RCC2: variants seen among roughly 807,000 people sequenced by gnomAD.
RCC2 encodes protein RCC2.
A neutral mutation model predicts 64.1 loss-of-function variants in RCC2; 19 were observed. The observed-to-expected ratio is 0.30, with a 90% CI of 0.21 to 0.44. The LOEUF is 0.44. Among genes scored for constraint, RCC2 ranks in the 20% least tolerant of loss-of-function variants. RCC2 has a pLI of 1.00. For synonymous variants in RCC2, 325 were observed against 279.6 expected (o/e 1.16, Z -1.62); for missense variants, 508 against 710.4 (o/e 0.72, Z 3.24).
At position 17,409,977 on chromosome 1, in the gene RCC2, C is replaced by A. The variant is rs1184474655; in HGVS notation, c.1461G>T (p.Glu487Asp). 6.2e-7 allele frequency: 1 copy of A among 1,613,910 alleles called. No homozygotes were observed. Among genetic ancestry groups the A allele is most frequent in the Non-Finnish European group, 8.5e-7 (1 of 1,179,782 alleles). The change falls in exon 12 of 13, where the codon GAG becomes GAT. Residue 487 changes from glutamate to aspartate, a missense_variant. Glu to Asp is a conservative substitution (Grantham distance 45). Around this residue, in one of 4 missense-constraint regions of RCC2, gnomAD observed 179 missense variants for 322.0 expected, o/e 0.56. Coordinates refer to ENST00000375436, the MANE Select transcript of RCC2 (RefSeq NM_018715.4). Reference protein sequence around the residue: ...EVKTLDGIFSEQVAMGYSHSL... With the variant: ...EVKTLDGIFSDQVAMGYSHSL... Reference sequence around the variant, plus strand: ...TGGCACAGCTGCCCCCACTCACCTGCTCTGAGAAAATGCCATCCAGAGTCT... The same window carrying A: ...TGGCACAGCTGCCCCCACTCACCTGATCTGAGAAAATGCCATCCAGAGTCT...
At position 17,409,145 on chromosome 1, in the gene RCC2, T is replaced by C; in HGVS notation, c.1514A>G (p.Glu505Gly). Residue 505 changes from glutamate to glycine, a missense_variant, in exon 13 of 13, where the codon GAG becomes GGG. By Grantham distance (98) the Glu-to-Gly change is moderately conservative (BLOSUM62 -2). This residue lies in a region of RCC2 where 179 missense variants were observed against 322.0 expected (regional missense o/e 0.56). Coordinates refer to ENST00000375436, the MANE Select transcript of RCC2 (RefSeq NM_018715.4). Reference protein sequence around the residue: ...HSLVIARDESETEKEKIKKLP... With the variant: ...HSLVIARDESGTEKEKIKKLP... Reference sequence around the variant, plus strand: ...TTTCTTGATCTTCTCTTTCTCAGTCTCACTTTCATCTCTTGCTATCACCAA... The same window carrying C: ...TTTCTTGATCTTCTCTTTCTCAGTCCCACTTTCATCTCTTGCTATCACCAA... The C allele has an allele frequency of 6.2e-7, 1 of 1,614,144 alleles. No individual in the cohort carries two copies. Among genetic ancestry groups the C allele is most frequent in the South Asian group, 1.1e-5 (1 of 91,074 alleles).
chr1:17,410,037 G>C lies in RCC2; in HGVS notation c.1401C>G (p.His467Gln), dbSNP rs1557619370. Reference protein sequence around the residue: ...PTFGELGYGDHKPKSSTAAQE... With the variant: ...PTFGELGYGDQKPKSSTAAQE... ...GGGCTGCAGTGGAAGACTTGGGCTT[G>C]TGGTCCCCGTAGCCCTGGCGAAGCA... The change falls in exon 12 of 13, where the codon CAC becomes CAG. Residue 467 changes from histidine (H) to glutamine (Q), a missense_variant. Physicochemically the swap from His to Gln is conservative, Grantham distance 24. Around this residue, in one of 4 missense-constraint regions of RCC2, gnomAD observed 179 missense variants for 322.0 expected, o/e 0.56. Transcript: ENST00000375436. 6.2e-7 allele frequency: 1 copy of C among 1,614,070 alleles called. No homozygotes were observed. Among genetic ancestry groups the C allele is most frequent in the Non-Finnish European group, 8.5e-7 (1 of 1,180,000 alleles).
intron 2 of RCC2, among the ~76,000 whole-genome samples, chr1:17,437,693 G>A (rs2075751765): frequency 6.8e-6 from 1 of 146,918 alleles, no homozygotes; most frequent in Admixed American, 6.8e-5. Flanking sequence ...GCGGCCGTCA[G>A]GCCCCGCCCC....
At chr1:17,412,436 C>T (rs1027063487) in intron 10 of RCC2, among the ~76,000 whole-genome samples, 2 of 152,192 alleles carry the variant, frequency 1.3e-5, no homozygotes, top group Non-Finnish European at 2.9e-5. Flanking sequence ...AGGCAGGGGA[C>T]CTTGCTGTGC....
rs144355060 is a variant in RCC2, at chr1:17,432,851, G to A, written c.286-3652C>T. Among the ~76,000 whole-genome samples the A allele has an allele frequency of 1.8e-4, 27 of 152,312 alleles. No individual in the cohort carries two copies. In the East Asian group the frequency reaches 4.8e-3, roughly 27 times the overall value. The stretch of plus-strand genomic sequence containing the variant: ...CTCACGCCTGTAGTCCCGGCTACTC[G>A]GGAGGCTGAGACAGGAGAAGGGCAT... On this transcript the variant is annotated intron_variant, in intron 2 of 12. Transcript: ENST00000375436.
chr1:17,409,649 C>A (rs1438356958), intron 12 of RCC2, among the ~76,000 whole-genome samples: 1 of 152,244 alleles, frequency 6.6e-6, no homozygotes, highest in African/African-American at 2.4e-5. Flanking sequence ...GACCTGCGGA[C>A]CTGCCTCCAG....
chr1:17,424,964 G>A (rs1426932810), intron 4 of RCC2, among the ~76,000 whole-genome samples: 9 of 152,100 alleles, frequency 5.9e-5, no homozygotes, highest in South Asian at 2.1e-4. Context: ...AGGGAAAGCC[G>A]AACAACTCCA....
intron 8 of RCC2, among the ~76,000 whole-genome samples, chr1:17,415,120 G>T (rs935215924): frequency 6.6e-6 from 1 of 152,152 alleles, no homozygotes; most frequent in South Asian, 2.1e-4. Flanking sequence ...AAAAAACTTG[G>T]CCTATAAGGC....
At chr1:17,433,420 C>CGGCGG (rs989413613) in intron 2 of RCC2, among the ~76,000 whole-genome samples, 11 of 152,278 alleles carry the variant, frequency 7.2e-5, no homozygotes, top group Admixed American at 7.2e-4. Context: ...CCACCCGGGG[C>CGGCGG]GGCGGGGCAG....
intron 11 of RCC2, among the ~76,000 whole-genome samples, chr1:17,410,355 G>A (rs1254981088): frequency 6.6e-6 from 1 of 152,224 alleles, no homozygotes; most frequent in Non-Finnish European, 1.5e-5. Context: ...GGTGACAAGA[G>A]ATGACACCAC....
intron 8 of RCC2, among the ~76,000 whole-genome samples, chr1:17,415,468 T>A (rs553235767): frequency 1.3e-5 from 2 of 152,172 alleles, no homozygotes; most frequent in Admixed American, 1.3e-4. Context: ...ATCCCAGCAC[T>A]TTGGGAGGCC....
chr1:17,427,232 G>A (rs963095321), intron 3 of RCC2, among the ~76,000 whole-genome samples: 1 of 152,202 alleles, frequency 6.6e-6, no homozygotes, highest in Non-Finnish European at 1.5e-5. Context: ...TATCTGTGAA[G>A]TACGTTCCAG....
intron 1 of RCC2, 106 bp from the exon 2 acceptor site, chr1:17,438,628 C>T (rs1336567170): frequency 8.7e-7 from 1 of 1,146,770 alleles, no homozygotes; most frequent in Admixed American, 3.6e-5. Flanking sequence ...CCTCTGCCCT[C>T]CCCAAAGTGG....
intron 7 of RCC2, among the ~76,000 whole-genome samples, chr1:17,419,752 AGC>A (rs2075530610): frequency 6.6e-6 from 1 of 152,186 alleles, no homozygotes; most frequent in African/African-American, 2.4e-5. Context: ...AGGCAGCAGG[AGC>A]GCGCACGTGG....
intron 2 of RCC2, among the ~76,000 whole-genome samples, chr1:17,436,799 C>T (rs1358626460): frequency 6.6e-6 from 1 of 152,210 alleles, no homozygotes; most frequent in Non-Finnish European, 1.5e-5. Flanking sequence ...GCTCACCTGG[C>T]CTTTCTTTTT....
At chr1:17,414,964 C>T (rs1410886608) in intron 8 of RCC2, among the ~76,000 whole-genome samples, 1 of 152,204 alleles carries the variant, frequency 6.6e-6, no homozygotes, top group African/African-American at 2.4e-5. Flanking sequence ...ACAGAGGTAA[C>T]CTGTACCTGG....
At chr1:17,436,970 C>T (rs2100400843) in intron 2 of RCC2, among the ~76,000 whole-genome samples, 2 of 152,314 alleles carry the variant, frequency 1.3e-5, no homozygotes, top group South Asian at 2.1e-4. Context: ...CTTTTGACAG[C>T]TTTTGACGGG....
chr1:17,424,148 T>C (rs1222747634), intron 4 of RCC2, among the ~76,000 whole-genome samples: 1 of 152,174 alleles, frequency 6.6e-6, no homozygotes, highest in Non-Finnish European at 1.5e-5. Context: ...ACATGAGCAA[T>C]GCGTCAGCCA....
At chr1:17,434,440 C>T (rs945966115) in intron 2 of RCC2, among the ~76,000 whole-genome samples, 2 of 152,192 alleles carry the variant, frequency 1.3e-5, no homozygotes, top group African/African-American at 4.8e-5. Flanking sequence ...CTGCAGAGGG[C>T]ACGGAAACAC....
Sources: allele counts gnomAD v4.1 joint callset (sites outside exome capture counted in the v4.1 genomes callset), GRCh38; gene constraint gnomAD v4.1.1; regional missense constraint gnomAD v4.1.1; transcripts MANE v1.5; gene names NCBI Gene and HGNC (gene_info 2026-07-23, HGNC 2026-07-21).